Variants in GABRG3 observed in about 807,000 individuals in gnomAD.
The protein encoded by GABRG3 is gamma-aminobutyric acid receptor subunit gamma-3.
In GABRG3, 25 loss-of-function variants were observed where a neutral mutation model predicts 48.8. That is an observed-to-expected ratio of 0.51 (90% CI 0.37 to 0.72). The LOEUF is 0.72. Among genes scored for constraint, GABRG3 ranks in the 30% least tolerant of loss-of-function variants. The probability of loss-of-function intolerance (pLI) is 0.00; values close to 1 mark genes in which losing one functional copy is unlikely to be tolerated. For synonymous variants in GABRG3, 227 were observed against 217.6 expected (o/e 1.04, Z -0.38); for missense variants, 394 against 577.9 (o/e 0.68, Z 3.26).
intron 2 of GABRG3, among the ~76,000 whole-genome samples, chr15:27,005,553 T>C (rs901373763): frequency 2.0e-5 from 3 of 152,212 alleles, no homozygotes; most frequent in Non-Finnish European, 2.9e-5. Flanking sequence ...TTCGTTGTGC[T>C]CAAGCCTCTG....
At chr15:27,118,263 G>A (rs1897675672) in intron 3 of GABRG3, among the ~76,000 whole-genome samples, 1 of 152,160 alleles carries the variant, frequency 6.6e-6, no homozygotes, top group South Asian at 2.1e-4. Flanking sequence ...AACAGAGAGG[G>A]AAGGGACTAC....
chr15:27,405,516 T>C (rs1018498316), intron 5 of GABRG3, among the ~76,000 whole-genome samples: 2 of 152,194 alleles, frequency 1.3e-5, no homozygotes, highest in African/African-American at 4.8e-5. Context: ...AAGCTGATGG[T>C]GTTCATCCTC....
intron 3 of GABRG3, among the ~76,000 whole-genome samples, chr15:27,053,235 C>T (rs1372472843): frequency 6.6e-6 from 1 of 152,162 alleles, no homozygotes; most frequent in Non-Finnish European, 1.5e-5. Context: ...AGAAAATATT[C>T]ACTATGCTTC....
intron 3 of GABRG3, among the ~76,000 whole-genome samples, chr15:27,205,728 A>G (rs1472064667): frequency 6.9e-6 from 1 of 144,570 alleles, no homozygotes. Flanking sequence ...TTTTTTTTTT[A>G]TTACTGATTC....
intron 5 of GABRG3, among the ~76,000 whole-genome samples, chr15:27,354,695 A>G (rs763176471): frequency 2.0e-5 from 3 of 152,250 alleles, no homozygotes; most frequent in Admixed American, 6.5e-5. Context: ...TAGGAACTCA[A>G]CAAGCAGGTT....
chr15:27,413,265 A>G (rs967497547), intron 5 of GABRG3, among the ~76,000 whole-genome samples: 16 of 152,302 alleles, frequency 1.1e-4, no homozygotes, highest in African/African-American at 3.8e-4. Context: ...CAACAAGTCT[A>G]CCATATCATT....
intron 3 of GABRG3, among the ~76,000 whole-genome samples, chr15:27,183,868 G>A (rs1296002923): frequency 6.6e-6 from 1 of 152,158 alleles, no homozygotes; most frequent in East Asian, 1.9e-4. Context: ...TGTTCTCTGA[G>A]GGATTTTCCT....
At chr15:27,399,800 C>G (rs76891608) in intron 5 of GABRG3, among the ~76,000 whole-genome samples, 1 of 152,246 alleles carries the variant, frequency 6.6e-6, no homozygotes, top group East Asian at 1.9e-4. Context: ...TGAATGATGA[C>G]AGTAGACCCA....
intron 3 of GABRG3, among the ~76,000 whole-genome samples, chr15:27,227,413 A>G (rs574201528): frequency 6.6e-6 from 1 of 152,186 alleles, no homozygotes; most frequent in African/African-American, 2.4e-5. Flanking sequence ...GGGGAGGATC[A>G]CCTGAGCCTT....
chr15:26,984,308 A>G (rs1895111225), intron 2 of GABRG3, among the ~76,000 whole-genome samples: 1 of 152,100 alleles, frequency 6.6e-6, no homozygotes, highest in African/African-American at 2.4e-5. Flanking sequence ...ACGTGGTCCA[A>G]CTGCAGCAGG....
rs200503071 is a variant in GABRG3, at chr15:27,014,345, A to AT, written c.203-12396dup. ...TTGCTTTCTTCAGCTACATTTCTTT[A>AT]TTTTTTTTTTTTTAGTTTTTTGAGG... On this transcript the variant is annotated intron_variant, in intron 2 of 9. Transcript: ENST00000615808. Among the ~76,000 whole-genome samples the AT allele has an allele frequency of 5.7e-3, 707 of 123,614 alleles. 4 individuals carry two copies. The highest frequency in any genetic ancestry group is 0.018 in the African/African-American group (592 of 33,484). The allele number at this position is 123,614 out of a possible 152,430, so 81.1% of individuals were successfully genotyped here.
At chr15:27,016,830 G>A (rs1895787549) in intron 2 of GABRG3, among the ~76,000 whole-genome samples, 1 of 151,976 alleles carries the variant, frequency 6.6e-6, no homozygotes, top group Non-Finnish European at 1.5e-5. Context: ...AAAAAGTCCT[G>A]TTCTTAAATT....
At chr15:27,009,454 TAAAC>T (rs1895647145) in intron 2 of GABRG3, among the ~76,000 whole-genome samples, 3 of 152,206 alleles carry the variant, frequency 2.0e-5, no homozygotes, top group South Asian at 4.1e-4. Flanking sequence ...CATATTTAGA[TAAAC>T]AAACAAGCAA....
chr15:27,362,204 A>G (rs1303369835), intron 5 of GABRG3: 5 of 152,242 alleles, frequency 3.3e-5, no homozygotes, highest in African/African-American at 7.2e-5. Flanking sequence ...AGAATGTTAA[A>G]AGCACAGGAG....
At position 27,528,215 on chromosome 15, in the gene GABRG3, G is replaced by A. The variant is rs190974914; in HGVS notation, c.1122+223G>A. ...ATAATCCTTCTACATGGGGATTAGT[G>A]TATGGCATATATAGTTCTGACTCTT... On this transcript the variant is annotated intron_variant, in intron 9 of 9. Transcript: ENST00000615808. Among the ~76,000 whole-genome samples the A allele has an allele frequency of 7.4e-4, 112 of 152,328 alleles. 1 individual carries two copies. Among genetic ancestry groups the A allele is most frequent in the Middle Eastern group, 3.4e-3 (1 of 294 alleles).
intron 5 of GABRG3, among the ~76,000 whole-genome samples, chr15:27,334,013 A>G (rs1893885012): frequency 6.6e-6 from 1 of 152,150 alleles, no homozygotes; most frequent in Non-Finnish European, 1.5e-5. Flanking sequence ...TATGAAATAA[A>G]TGTTTCTTTT....
Position 26,974,669 on chromosome 15 carries a change from C to T in GABRG3, c.54-2333C>T, listed in dbSNP as rs938768450. 3.9e-5 allele frequency among the ~76,000 whole-genome samples: 6 copies of T among 152,036 alleles called. No homozygotes were observed. Among genetic ancestry groups the T allele is most frequent in the African/African-American group, 1.5e-4 (6 of 41,372 alleles). On this transcript the variant is annotated intron_variant, in intron 1 of 9. Transcript: ENST00000615808. This position sits in a 1 kb window ranked among gnomAD's most constrained non-coding sequence, Gnocchi z 4.3. ...CTGCTGAGATGAGCTACCGGCCTCT[C>T]CTCACTGCCCCAGATGCCCTTGCTG...
intron 3 of GABRG3, among the ~76,000 whole-genome samples, chr15:27,037,050 G>A (rs903752763): frequency 1.1e-4 from 16 of 152,096 alleles, no homozygotes; most frequent in Non-Finnish European, 1.5e-4. Context: ...CAGAGATCAG[G>A]GTGATCCTCT....
At chr15:27,002,804 A>G (rs1308800386) in intron 2 of GABRG3, among the ~76,000 whole-genome samples, 1 of 149,696 alleles carries the variant, frequency 6.7e-6, no homozygotes, top group East Asian at 2.0e-4. Context: ...AGAGAAAGAG[A>G]GAAAGAGAGA....
Sources: gnomAD v4.1 joint callset for allele counts (sites outside exome capture counted in the v4.1 genomes callset) on GRCh38, gnomAD v4.1.1 for gene constraint, Gnocchi (gnomAD v3.1) non-coding constraint, MANE v1.5 for transcripts, NCBI Gene and HGNC (gene_info 2026-07-23, HGNC 2026-07-21) for gene names.